Variants in RNF222 observed in about 807,000 individuals in gnomAD.
RNF222 encodes the protein RING finger protein LOC643904.
In RNF222, 14 loss-of-function variants were observed where a neutral mutation model predicts 10.8. The ratio of observed to expected loss-of-function variants is 1.30; its 90% CI spans 0.86 to 2.03. The LOEUF (loss-of-function observed/expected upper bound fraction) is 2.03, where lower values mean the gene tolerates loss of function less well. RNF222 is among the 30% of genes most tolerant of loss of function. The pLI is 0.00. For synonymous variants in RNF222, 141 were observed against 142.5 expected (o/e 0.99, Z 0.07); for missense variants, 298 against 295.8 (o/e 1.01, Z -0.06).
In RNF222 at chr17:8,392,496, C is replaced by G. The variant is rs925247330; in HGVS notation, c.*303G>C. 1 of 380,696 alleles carries G rather than the reference C, an allele frequency of 2.6e-6. No individual in the cohort carries two copies. Among genetic ancestry groups the G allele is most frequent in the Non-Finnish European group, 4.8e-6 (1 of 209,826 alleles). The allele number at this position is 380,696 out of a possible 1,614,324, so 23.6% of individuals were successfully genotyped here. On this transcript the variant is annotated 3_prime_UTR_variant, in exon 3 of 3. Transcript: ENST00000399398. The surrounding 1 kb of genome is among the most constrained non-coding windows in gnomAD (Gnocchi z 4.3). ...AGGTCACCTGGCAGGTAAGGTCTGC[C>G]GCTCAGGGCTGGTGAGCCTGCAGGA... is the stretch of plus-strand genomic sequence containing the variant.
At chr17:8,395,610 G>A (rs1352638922) in intron 1 of RNF222, among the ~76,000 whole-genome samples, 2 of 152,132 alleles carry the variant, frequency 1.3e-5, no homozygotes, top group Non-Finnish European at 2.9e-5. Context: ...ATCCCCAAAT[G>A]TTCCTTAGTA....
chr17:8,392,754 C>T lies in RNF222; in HGVS notation c.*45G>A. 6.6e-7 allele frequency: 1 copy of T among 1,523,150 alleles called. No individual in the cohort carries two copies. The highest frequency in any genetic ancestry group is 1.2e-5 in the South Asian group (1 of 82,482). The allele number at this position is 1,523,150 out of a possible 1,614,324, so 94.4% of individuals were successfully genotyped here. On this transcript the variant is annotated 3_prime_UTR_variant, in exon 3 of 3. Transcript: ENST00000399398. This position sits in a 1 kb window ranked among gnomAD's most constrained non-coding sequence, Gnocchi z 4.3. ...CCAGGGCTGCCGTGGGCCTCCTGTCCCACCCCAGGCCACGGCTAGCCCGGC... is the reference window on the plus strand; with the variant it reads ...CCAGGGCTGCCGTGGGCCTCCTGTCTCACCCCAGGCCACGGCTAGCCCGGC...
intron 2 of RNF222, among the ~76,000 whole-genome samples, chr17:8,393,728 C>T (rs556395774): frequency 2.9e-4 from 44 of 152,270 alleles, no homozygotes; most frequent in African/African-American, 1.0e-3. Flanking sequence ...AATCGGGAGA[C>T]AGAGAACCAG....
rs1293450755 is a variant in RNF222, at chr17:8,392,856, C to G, written c.606G>C (p.Val202=). Residue 202 remains valine (V), a synonymous_variant, in exon 3 of 3, where the codon GTG becomes GTC. Transcript: ENST00000399398. This position sits in a 1 kb window ranked among gnomAD's most constrained non-coding sequence, Gnocchi z 4.3. ...RALLLITLIA[V]VAVVAAILPW... Reference sequence around the variant, plus strand: ...GCAGGATGGCGGCCACCACGGCCACCACAGCGATGAGCGTGATGAGCAGCA... The same window carrying G: ...GCAGGATGGCGGCCACCACGGCCACGACAGCGATGAGCGTGATGAGCAGCA... 4 of 1,533,370 alleles carry G rather than the reference C, an allele frequency of 2.6e-6. No homozygotes were observed. The Admixed American group carries it at 7.9e-5, about 30-fold the overall frequency. 95.0% of individuals were successfully genotyped at this position (1,533,370 alleles called of 1,614,324 possible).
intron 1 of RNF222, among the ~76,000 whole-genome samples, chr17:8,395,679 T>C (rs970216715): frequency 1.3e-5 from 2 of 152,298 alleles, no homozygotes; most frequent in Non-Finnish European, 2.9e-5. Flanking sequence ...CAAATTAGAA[T>C]AACGGAACAA....
At chr17:8,394,842 G>C (rs985604227) in intron 1 of RNF222, among the ~76,000 whole-genome samples, 4 of 152,214 alleles carry the variant, frequency 2.6e-5, no homozygotes, top group Non-Finnish European at 5.9e-5. Context: ...TGGGGTGTGT[G>C]GTGAGGTCCA....
rs544761990 is a variant in RNF222, at chr17:8,392,635, G to T, written c.*164C>A. ...GTCAGCTCCAGCCTCTCTGTCGAGC[G>T]GAAGCCCCTGCGGGGGTCGGGGAAG... is the stretch of plus-strand genomic sequence containing the variant. On this transcript the variant is annotated 3_prime_UTR_variant, in exon 3 of 3. Coordinates refer to ENST00000399398, the MANE Select transcript of RNF222 (RefSeq NM_001146684.3). This position sits in a 1 kb window ranked among gnomAD's most constrained non-coding sequence, Gnocchi z 4.3. 7.3e-6 allele frequency: 6 copies of T among 820,978 alleles called. No homozygotes were observed. In the East Asian group the frequency reaches 1.7e-4, roughly 24 times the overall value. The allele number at this position is 820,978 out of a possible 1,614,324, so 50.9% of individuals were successfully genotyped here. A position where few individuals can be genotyped will look rare whatever the true frequency, so the allele number is the denominator to read the frequency against.
At position 8,393,309 on chromosome 17, in the gene RNF222, C is replaced by T. The variant is rs1485912652; in HGVS notation, c.153G>A (p.Val51=). ...CCAGGGTCCTCTGGACCTGCCCATC[C>T]ACGCGGGTGGACAGCAGGTACTTGA... ...CLVKYLLSTR[V]DGQVQRTLVC... is the part of the protein sequence containing the mutation. Residue 51 remains valine (V), a synonymous_variant, in exon 3 of 3, where the codon GTG becomes GTA. Transcript: ENST00000399398. The T allele has an allele frequency of 1.3e-6, 2 of 1,551,606 alleles. No individual in the cohort carries two copies. The highest frequency in any genetic ancestry group is 2.4e-5 in the South Asian group (2 of 84,068).
rs907954211 is a variant in RNF222 at position 8,393,128 on chromosome 17, A to C, written c.334T>G (p.Ser112Ala). 7.8e-6 allele frequency: 12 copies of C among 1,534,448 alleles called. No individual in the cohort carries two copies. In the African/African-American group the frequency reaches 1.4e-4, roughly 18 times the overall value. The change falls in exon 3 of 3, where the codon TCC (serine) becomes GCC (alanine). Residue 112 changes from serine to alanine, a missense_variant. Physicochemically the swap from Ser to Ala is moderately conservative, Grantham distance 99. Transcript: ENST00000399398. ...GGAGGTGGCCTCCAGGCAGGGGAGG[A>C]GGCGGCCAGGGGGTTTGTGTGGCCC... Reference protein sequence around the residue: ...SLGHTNPLAASSPAWRPPPGQ... With the variant: ...SLGHTNPLAAASPAWRPPPGQ...
chr17:8,393,876 C>T (rs150807323), intron 2 of RNF222, among the ~76,000 whole-genome samples: 61 of 152,286 alleles, frequency 4.0e-4, no homozygotes, highest in African/African-American at 1.4e-3. Context: ...AAGGAAGTCC[C>T]TGTTACCAGG....
In RNF222 at chr17:8,393,805, A is replaced by G. The variant is rs185047236; in HGVS notation, c.-25-319T>C. On this transcript the variant is annotated intron_variant, in intron 2 of 2. Transcript: ENST00000399398. ...TTCCTGATGTCTCACCTCAATCATCATGTACACACATGGTGAGGTCACTGC... is the reference window on the plus strand; with the variant it reads ...TTCCTGATGTCTCACCTCAATCATCGTGTACACACATGGTGAGGTCACTGC... 1.1e-4 allele frequency among the ~76,000 whole-genome samples: 17 copies of G among 152,292 alleles called. No individual in the cohort carries two copies. In the East Asian group the frequency reaches 3.3e-3, roughly 29 times the overall value.
Position 8,390,790 on chromosome 17 carries a change from A to G in RNF222, c.*2009T>C, listed in dbSNP as rs982585727. The stretch of plus-strand genomic sequence containing the variant: ...AGTTGCAGCTACAGGTCACCATTGA[A>G]CATACAAAAACACTGAGAGTATGTT... On this transcript the variant is annotated 3_prime_UTR_variant, in exon 3 of 3. Transcript: ENST00000399398. The G allele has an allele frequency of 6.6e-6, 1 of 152,196 alleles. No homozygotes were observed. Among genetic ancestry groups the G allele is most frequent in the Non-Finnish European group, 1.5e-5 (1 of 68,040 alleles). The allele number at this position is 152,196 out of a possible 1,614,324, so 9.4% of individuals were successfully genotyped here.
intron 1 of RNF222, among the ~76,000 whole-genome samples, chr17:8,397,303 A>G (rs1304518465): frequency 6.6e-6 from 1 of 152,110 alleles, no homozygotes; most frequent in East Asian, 1.9e-4. Context: ...GCCACCTGGG[A>G]GGCAGGGGGA....
In RNF222 at chr17:8,397,732, C is replaced by T. The variant is rs955878154; in HGVS notation, c.-215G>A. ...CATCCACCTTCCCTCCTGGGGCCTC[C>T]AGCAGATCTGAGCCACCCCGAGGTG... On this transcript the variant is annotated 5_prime_UTR_variant, in exon 1 of 3. Transcript: ENST00000399398. 6.6e-6 allele frequency: 1 copy of T among 152,502 alleles called. No homozygotes were observed. The highest frequency in any genetic ancestry group is 1.5e-5 in the Non-Finnish European group (1 of 68,300). 9.4% of individuals were successfully genotyped at this position (152,502 alleles called of 1,614,324 possible).
chr17:8,394,939 T>C (rs1907994014), intron 1 of RNF222, among the ~76,000 whole-genome samples: 1 of 152,214 alleles, frequency 6.6e-6, no homozygotes, highest in Non-Finnish European at 1.5e-5. Context: ...CCATGATTCC[T>C]TGTTATTGCT....
At position 8,390,724 on chromosome 17, in the gene RNF222, T is replaced by C. The variant is rs950762191; in HGVS notation, c.*2075A>G. 3 of 152,216 alleles carry C rather than the reference T, an allele frequency of 2.0e-5. No homozygotes were observed. Among genetic ancestry groups the C allele is most frequent in the Non-Finnish European group, 4.4e-5 (3 of 68,048 alleles). The allele number at this position is 152,216 out of a possible 1,614,324, so 9.4% of individuals were successfully genotyped here. On this transcript the variant is annotated 3_prime_UTR_variant, in exon 3 of 3. Transcript: ENST00000399398. The stretch of plus-strand genomic sequence containing the variant: ...GAATCTTTGAGAAAATATATACCTT[T>C]ATTTTAAAAATAGCTTTTGGCATTC...
At position 8,393,311 on chromosome 17, in the gene RNF222, C is replaced by G. The variant is rs1253717492; in HGVS notation, c.151G>C (p.Val51Leu). ...AGGGTCCTCTGGACCTGCCCATCCACGCGGGTGGACAGCAGGTACTTGACC... is the reference window on the plus strand; with the variant it reads ...AGGGTCCTCTGGACCTGCCCATCCAGGCGGGTGGACAGCAGGTACTTGACC... ...CLVKYLLSTR[V>L]DGQVQRTLVC... The change falls in exon 3 of 3, where the codon GTG (valine) becomes CTG (leucine). Residue 51 changes from valine (V) to leucine (L), a missense_variant. Coordinates refer to ENST00000399398, the MANE Select transcript of RNF222 (RefSeq NM_001146684.3). 7 of 1,551,486 alleles carry G rather than the reference C, an allele frequency of 4.5e-6. No homozygotes were observed. The Admixed American group carries it at 1.4e-4, about 30-fold the overall frequency.
In RNF222 at chr17:8,392,455, C is replaced by A. The variant is rs1481543968; in HGVS notation, c.*344G>T. 2.1e-5 allele frequency: 6 copies of A among 285,330 alleles called. No homozygotes were observed. The highest frequency in any genetic ancestry group is 3.3e-5 in the Non-Finnish European group (5 of 150,256). The allele number at this position is 285,330 out of a possible 1,614,324, so 17.7% of individuals were successfully genotyped here. A position where few individuals can be genotyped will look rare whatever the true frequency, so the allele number is the denominator to read the frequency against. On this transcript the variant is annotated 3_prime_UTR_variant, in exon 3 of 3. Coordinates refer to ENST00000399398, the MANE Select transcript of RNF222 (RefSeq NM_001146684.3). This position sits in a 1 kb window ranked among gnomAD's most constrained non-coding sequence, Gnocchi z 4.3. ...AGGACTTTCTTGTCCCTGGAGGGGCCCACCTGGCTTTGGGCAGGTCACCTG... is the reference window on the plus strand; with the variant it reads ...AGGACTTTCTTGTCCCTGGAGGGGCACACCTGGCTTTGGGCAGGTCACCTG...
Position 8,392,583 on chromosome 17 carries a change from G to A in RNF222, c.*216C>T, listed in dbSNP as rs934559238. ...GGGAACGCATCTGCTGAGGATTCAC[G>A]TGGGGAACACGCGCCGCGCGCATGG... On this transcript the variant is annotated 3_prime_UTR_variant, in exon 3 of 3. Coordinates refer to ENST00000399398, the MANE Select transcript of RNF222 (RefSeq NM_001146684.3). This position sits in a 1 kb window ranked among gnomAD's most constrained non-coding sequence, Gnocchi z 4.3. 5 of 582,580 alleles carry A rather than the reference G, an allele frequency of 8.6e-6. No homozygotes were observed. The highest frequency in any genetic ancestry group is 2.0e-5 in the African/African-American group (1 of 50,088). 36.1% of individuals were successfully genotyped at this position (582,580 alleles called of 1,614,324 possible).
Sources: allele counts gnomAD v4.1 joint callset (sites outside exome capture counted in the v4.1 genomes callset), GRCh38; gene constraint gnomAD v4.1.1; non-coding constraint Gnocchi (gnomAD v3.1); transcripts MANE v1.5; gene names NCBI Gene and HGNC (gene_info 2026-07-23, HGNC 2026-07-21).